MPDU1: variants seen among roughly 807,000 people sequenced by gnomAD.
MPDU1 encodes mannose-P-dolichol utilization defect 1 protein.
A neutral mutation model predicts 27.6 loss-of-function variants in MPDU1; 18 were observed. The observed-to-expected ratio is 0.65, with a 90% CI of 0.45 to 0.97. The LOEUF (loss-of-function observed/expected upper bound fraction) is 0.97, where lower values mean the gene tolerates loss of function less well. Ranked by LOEUF, MPDU1 falls within the 50% of genes least tolerant of loss-of-function variation. The pLI is 0.00. For missense variants in MPDU1, 279 were observed against 297.4 expected, an observed-to-expected ratio of 0.94 and a Z score of 0.46; for synonymous variants, 142 against 131.1, an observed-to-expected ratio of 1.08 and a Z score of -0.57.
upstream of MPDU1, chr17:7,583,753 C>A (rs769319941): frequency 3.6e-6 from 4 of 1,118,054 alleles, no homozygotes; most frequent in South Asian, 4.9e-5. Context: ...GGGCACGGGG[C>A]GGGCCAGCTT....
In MPDU1 at chr17:7,585,935, C is replaced by CT. The variant is rs955844284; in HGVS notation, c.170-8dup. 2 of 1,614,052 alleles carry CT rather than the reference C, an allele frequency of 1.2e-6. No homozygotes were observed. Among genetic ancestry groups the CT allele is most frequent in the African/African-American group, 2.7e-5 (2 of 74,906 alleles). ...GAGTCCTCAGTCCTACTTTTCTCAT[C>CT]TTTCCCCTAGTAAAGCTGCCCCAGG... On this transcript the variant is annotated splice_polypyrimidine_tract_variant and intron_variant, in intron 2 of 6. Transcript: ENST00000250124.
chr17:7,586,903 C>T lies in MPDU1; in HGVS notation c.393C>T (p.Val131=), dbSNP rs79286384. 1.2e-3 allele frequency: 1,977 copies of T among 1,613,996 alleles called. 4 individuals carry two copies. Among genetic ancestry groups the T allele is most frequent in the African/African-American group, 3.3e-3 (250 of 74,982 alleles). ...CTCCTGTCTCCCCACCCCTAGGTGT[C>T]GCTTTCCTCGCTTGCTACGGCCTGG... is the stretch of plus-strand genomic sequence containing the variant. ...MHYRGQTVKG[V]AFLACYGLVL... Residue 131 remains valine (V), a synonymous_variant, in exon 5 of 7, where the codon GTC becomes GTT. Coordinates refer to ENST00000250124, the MANE Select transcript of MPDU1 (RefSeq NM_004870.4).
chr17:7,587,052 G>C (rs1278863410), intron 5 of MPDU1, 35 bp downstream of exon 5: 5 of 1,578,442 alleles, frequency 3.2e-6, no homozygotes, highest in Non-Finnish European at 4.3e-6. Flanking sequence ...GATGTTGTGG[G>C]GGCAGGGTGG....
rs2071537142 is a variant in MPDU1 at position 7,583,915 on chromosome 17, T to C, written c.53T>C (p.Leu18Ser). The C allele has an allele frequency of 1.9e-6, 3 of 1,614,220 alleles. No individual in the cohort carries two copies. The highest frequency in any genetic ancestry group is 2.5e-6 in the Non-Finnish European group (3 of 1,180,044). The change falls in exon 1 of 7, where the codon TTA (leucine) becomes TCA (serine). Residue 18 changes from leucine (L) to serine (S), a missense_variant. Coordinates refer to ENST00000250124, the MANE Select transcript of MPDU1 (RefSeq NM_004870.4). ...PLKRLLVPILLPEKCYDQLFV... is the reference protein window; with the variant it reads ...PLKRLLVPILSPEKCYDQLFV... Reference sequence around the variant, plus strand: ...AAACGGCTGCTCGTGCCGATTCTTTTACCTGAGAAATGCTACGACCAACTT... The same window carrying C: ...AAACGGCTGCTCGTGCCGATTCTTTCACCTGAGAAATGCTACGACCAACTT...
In MPDU1 at chr17:7,585,942, C is replaced by G. The variant is rs1326444954; in HGVS notation, c.170-4C>G. ...CAGTCCTACTTTTCTCATCTTTCCC[C>G]TAGTAAAGCTGCCCCAGGTGTTTAA... On this transcript the variant is annotated splice_region_variant and splice_polypyrimidine_tract_variant and intron_variant, in intron 2 of 6. Coordinates refer to ENST00000250124, the MANE Select transcript of MPDU1 (RefSeq NM_004870.4). The G allele has an allele frequency of 1.1e-5, 17 of 1,614,018 alleles. No individual in the cohort carries two copies. The highest frequency in any genetic ancestry group is 1.4e-5 in the Non-Finnish European group (16 of 1,180,016).
Position 7,588,082 on chromosome 17 carries a change from C to G in MPDU1, c.*531C>G, listed in dbSNP as rs2071615638. On this transcript the variant is annotated 3_prime_UTR_variant, in exon 7 of 7. Coordinates refer to ENST00000250124, the MANE Select transcript of MPDU1 (RefSeq NM_004870.4). ...GGCCCCAGGGTGGGGTGAGGAGGTT[C>G]CTGCTCTGGCAGGTCTAGGCGGAAG... 1.8e-6 allele frequency: 1 copy of G among 570,460 alleles called. No individual in the cohort carries two copies. The highest frequency in any genetic ancestry group is 3.3e-6 in the Non-Finnish European group (1 of 302,378). 35.3% of individuals were successfully genotyped at this position (570,460 alleles called of 1,614,324 possible). A position where few individuals can be genotyped will look rare whatever the true frequency, so the allele number is the denominator to read the frequency against.
chr17:7,583,757 C>A (rs1233454791), upstream of MPDU1: 3 of 1,198,810 alleles, frequency 2.5e-6, no homozygotes, highest in East Asian at 2.3e-5. Flanking sequence ...ACGGGGCGGG[C>A]CAGCTTCGCC....
chr17:7,587,266 A>C lies in MPDU1; in HGVS notation c.613A>C (p.Ile205Leu), dbSNP rs1473747780. ...GGSLARIFTS[I>L]QETGDPLMAG... ...CTCCCTGGCCCGAATCTTCACTTCC[A>C]TTCAGGTGAGTGCAACATCTTCCTT... The change falls in exon 6 of 7, where the codon ATT becomes CTT. Residue 205 changes from isoleucine (I) to leucine (L), a missense_variant. Transcript: ENST00000250124. 6.2e-7 allele frequency: 1 copy of C among 1,613,954 alleles called. No homozygotes were observed. The highest frequency in any genetic ancestry group is 1.1e-5 in the South Asian group (1 of 91,080).
rs777696608 is a variant in MPDU1 at position 7,587,216 on chromosome 17, TCA to T, written c.566_567del (p.Thr189SerfsTer112). ...GGGCACACAGGCCAGCTCTCAGCCATCACAGTCTTCCTGCTGTTTGGGGGCTC... is the reference window on the plus strand; with the variant it reads ...GGGCACACAGGCCAGCTCTCAGCCATCAGTCTTCCTGCTGTTTGGGGGCTC... On this transcript the variant is annotated frameshift_variant, in exon 6 of 7. Coordinates refer to ENST00000250124, the MANE Select transcript of MPDU1 (RefSeq NM_004870.4). LOFTEE classifies it high-confidence loss of function. 12 of 1,614,010 alleles carry T rather than the reference TCA, an allele frequency of 7.4e-6. No individual in the cohort carries two copies. The highest frequency in any genetic ancestry group is 1.7e-5 in the Admixed American group (1 of 60,000).
chr17:7,586,031 A>G lies in MPDU1; in HGVS notation c.255A>G (p.Ala85=). 4 of 1,614,082 alleles carry G rather than the reference A, an allele frequency of 2.5e-6. No individual in the cohort carries two copies. The South Asian group carries it at 3.3e-5, about 13-fold the overall frequency. Residue 85 remains alanine (A), a synonymous_variant, in exon 3 of 7, where the codon GCA becomes GCG. Coordinates refer to ENST00000250124, the MANE Select transcript of MPDU1 (RefSeq NM_004870.4). ...AGTCTGTAATGCTGGAGCTAGTGGC[A>G]TTGACTGGGACCATGGTCTACAGCA... ...SLQSVMLELV[A]LTGTMVYSIT...
At position 7,585,755 on chromosome 17, in the gene MPDU1, A is replaced by C. The variant is rs764557594; in HGVS notation, c.127A>C (p.Ser43Arg). 4 of 1,614,038 alleles carry C rather than the reference A, an allele frequency of 2.5e-6. No individual in the cohort carries two copies. Among genetic ancestry groups the C allele is most frequent in the Non-Finnish European group, 3.4e-6 (4 of 1,179,998 alleles). ...AGTCCCCTGCCTCAAGATTCTCCTCAGCAAAGGCCTGGGGCTGGGCATTGT... is the reference window on the plus strand; with the variant it reads ...AGTCCCCTGCCTCAAGATTCTCCTCCGCAAAGGCCTGGGGCTGGGCATTGT... ...LHVPCLKILL[S>R]KGLGLGIVAG... The change falls in exon 2 of 7, where the codon AGC (serine) becomes CGC (arginine). Residue 43 changes from serine (S) to arginine (R), a missense_variant. Ser to Arg is a moderately radical substitution (Grantham distance 110). Transcript: ENST00000250124.
Position 7,588,200 on chromosome 17 carries a change from A to G in MPDU1, c.*649A>G. 1 of 761,834 alleles carries G rather than the reference A, an allele frequency of 1.3e-6. No individual in the cohort carries two copies. The allele number at this position is 761,834 out of a possible 1,614,324, so 47.2% of individuals were successfully genotyped here. ...CAGTTGAATAATACAAAACTGTTTA[A>G]TACTACCAAAAATATAATTGTATGT... On this transcript the variant is annotated 3_prime_UTR_variant, in exon 7 of 7. Coordinates refer to ENST00000250124, the MANE Select transcript of MPDU1 (RefSeq NM_004870.4).
upstream of MPDU1, chr17:7,583,819 G>A (rs763381799): frequency 1.9e-6 from 3 of 1,600,854 alleles, no homozygotes; most frequent in Non-Finnish European, 2.6e-6. Flanking sequence ...CGCAACGAAA[G>A]TCAATGGCGG....
chr17:7,587,419 C>G lies in MPDU1; in HGVS notation c.619-7C>G. The G allele has an allele frequency of 6.8e-6, 11 of 1,614,002 alleles. No homozygotes were observed. Among genetic ancestry groups the G allele is most frequent in the South Asian group, 1.1e-5 (1 of 91,078 alleles). The stretch of plus-strand genomic sequence containing the variant: ...AGGGTAACCCTGGCTCTGTCTCTTG[C>G]AACCAGGAAACCGGAGATCCCCTGA... On this transcript the variant is annotated splice_polypyrimidine_tract_variant and splice_region_variant and intron_variant, in intron 6 of 6. Transcript: ENST00000250124.
chr17:7,587,073 TAGA>T lies in MPDU1; in HGVS notation c.507+60_507+62del, dbSNP rs774129895. On this transcript the variant is annotated intron_variant, in intron 5 of 6. Transcript: ENST00000250124. Reference sequence around the variant, plus strand: ...GTGGGGGCAGGGTGGGGGGGAAGAGTAGAAGATCAAAGTGTGGGGGTGTTGTAC... The same window carrying T: ...GTGGGGGCAGGGTGGGGGGGAAGAGTAGATCAAAGTGTGGGGGTGTTGTAC... 1.8e-3 allele frequency: 2,710 copies of T among 1,500,718 alleles called. 9 individuals are homozygous for T. Among genetic ancestry groups the T allele is most frequent in the Non-Finnish European group, 2.0e-3 (2,216 of 1,093,194 alleles). 93.0% of individuals were successfully genotyped at this position (1,500,718 alleles called of 1,614,324 possible). A position where few individuals can be genotyped will look rare whatever the true frequency, so the allele number is the denominator to read the frequency against.
chr17:7,586,874 A>G (rs1429939795), intron 4 of MPDU1, 25 bp from the exon 5 acceptor site: 1 of 1,612,198 alleles, frequency 6.2e-7, no homozygotes, highest in South Asian at 1.1e-5. Flanking sequence ...GAGATTGACA[A>G]GGACTCCTGT....
At chr17:7,586,226 A>C (rs1436406611) in intron 3 of MPDU1, 148 bp downstream of exon 3, 5 of 929,602 alleles carry the variant, frequency 5.4e-6, no homozygotes, top group Non-Finnish European at 8.4e-6. Context: ...CGGGTGGATC[A>C]CCTGAGGTCA....
intron 6 of MPDU1, 57 bp from the exon 7 acceptor site, chr17:7,587,369 G>T (rs1399557322): frequency 3.9e-5 from 63 of 1,613,728 alleles, no homozygotes; most frequent in Non-Finnish European, 5.2e-5. Context: ...TTGTCCATAA[G>T]GGAACCTTTC....
Position 7,587,695 on chromosome 17 carries a change from G to A in MPDU1, c.*144G>A. On this transcript the variant is annotated 3_prime_UTR_variant, in exon 7 of 7. Transcript: ENST00000250124. ...TCTGAGCCAGGGTTTTCTTTTAGTG[G>A]AAACAAATGGTTGATGGATCCAGAT... 1 of 1,181,932 alleles carries A rather than the reference G, an allele frequency of 8.5e-7. No homozygotes were observed. The highest frequency in any genetic ancestry group is 1.2e-6 in the Non-Finnish European group (1 of 814,636). The allele number at this position is 1,181,932 out of a possible 1,614,324, so 73.2% of individuals were successfully genotyped here.
Sources: gnomAD v4.1 joint callset for allele counts on GRCh38, gnomAD v4.1.1 for gene constraint, MANE v1.5 for transcripts, NCBI Gene and HGNC (gene_info 2026-07-23, HGNC 2026-07-21) for gene names.